Variants in INPP5A observed in about 807,000 individuals in gnomAD.
INPP5A encodes the protein 43 kDa inositol polyphosphate 5-phophatase.
Under a neutral mutation model 65.2 loss-of-function variants are expected in INPP5A, and 14 were observed. That is an observed-to-expected ratio of 0.21 (90% confidence interval 0.14 to 0.34). The LOEUF (loss-of-function observed/expected upper bound fraction) is 0.34. INPP5A is among the 10% of genes least tolerant of loss of function. INPP5A has a pLI of 1.00. For synonymous variants in INPP5A, 207 were observed against 208.3 expected (o/e 0.99, Z 0.05); for missense variants, 431 against 545.6 (o/e 0.79, Z 2.09).
chr10:132,566,863 A>T (rs2071280728), intron 1 of INPP5A, among the ~76,000 whole-genome samples: 1 of 152,242 alleles, frequency 6.6e-6, no homozygotes, highest in African/African-American at 2.4e-5. Context: ...GAATAATGTA[A>T]ATATTGAATA....
At chr10:132,625,225 G>A (rs1343599746) in intron 2 of INPP5A, among the ~76,000 whole-genome samples, 1 of 149,476 alleles carries the variant, frequency 6.7e-6, no homozygotes, top group East Asian at 2.0e-4. Context: ...CTCCCTGCCT[G>A]TCCCTGTCCT....
intron 1 of INPP5A, among the ~76,000 whole-genome samples, chr10:132,570,450 GTCCC>G (rs1464366949): frequency 6.6e-6 from 1 of 152,120 alleles, no homozygotes; most frequent in Non-Finnish European, 1.5e-5. Context: ...GGTATGTGGA[GTCCC>G]TCTGCGATCC....
At chr10:132,625,577 T>A (rs1370968283) in intron 2 of INPP5A, among the ~76,000 whole-genome samples, 2 of 152,140 alleles carry the variant, frequency 1.3e-5, no homozygotes, top group East Asian at 3.9e-4. Context: ...GGCCGGCAGC[T>A]GGCTGAGGGG....
chr10:132,756,627 T>C (rs3121846), intron 11 of INPP5A, among the ~76,000 whole-genome samples: 146,039 of 152,342 alleles, frequency 0.96, 70,057 homozygotes, highest in East Asian at 1. Flanking sequence ...GGATGCGCAG[T>C]GTGTCGTACT....
At chr10:132,740,315 T>TGTAA (rs1260658143) in intron 9 of INPP5A, among the ~76,000 whole-genome samples, 5 of 152,188 alleles carry the variant, frequency 3.3e-5, no homozygotes, top group South Asian at 4.1e-4. Flanking sequence ...AATTACCCCC[T>TGTAA]CGATTCTGAG....
chr10:132,557,891 G>A (rs989757138), intron 1 of INPP5A, among the ~76,000 whole-genome samples: 6 of 152,150 alleles, frequency 3.9e-5, no homozygotes, highest in Non-Finnish European at 7.4e-5. Context: ...ACGCCAGGCT[G>A]GACAGAGCCA....
chr10:132,592,507 C>G (rs1004577174), intron 1 of INPP5A, among the ~76,000 whole-genome samples: 1 of 152,176 alleles, frequency 6.6e-6, no homozygotes, highest in African/African-American at 2.4e-5. Flanking sequence ...CCTCCGCCTC[C>G]CGGGTTCAAG....
intron 2 of INPP5A, among the ~76,000 whole-genome samples, chr10:132,615,662 G>A (rs546876579): frequency 3.9e-5 from 6 of 152,200 alleles, no homozygotes; most frequent in African/African-American, 7.2e-5. Context: ...TGAGGGCCCC[G>A]TCTTTGGGGT....
chr10:132,694,649 C>T (rs1165812389), intron 5 of INPP5A, among the ~76,000 whole-genome samples: 2 of 152,106 alleles, frequency 1.3e-5, no homozygotes, highest in African/African-American at 2.4e-5. Flanking sequence ...CGATAAACCT[C>T]TAGCCAGACT....
At position 132,627,872 on chromosome 10, in the gene INPP5A, C is replaced by T. The variant is rs754485620; in HGVS notation, c.118-17996C>T. Among the ~76,000 whole-genome samples, 9 of 151,998 alleles carry T rather than the reference C, an allele frequency of 5.9e-5. No individual in the cohort carries two copies. Among genetic ancestry groups the T allele is most frequent in the Admixed American group, 3.9e-4 (6 of 15,244 alleles). The stretch of plus-strand genomic sequence containing the variant: ...GGAGGGGTGAGGCCGTGGAGAGAGC[C>T]GTGTGGGGGAGGTGCCCAGGCTGGA... On this transcript the variant is annotated intron_variant, in intron 2 of 15. Transcript: ENST00000368594. This position sits in a 1 kb window ranked among gnomAD's most constrained non-coding sequence, Gnocchi z 6.6.
At chr10:132,666,768 G>A (rs1209712167) in intron 4 of INPP5A, among the ~76,000 whole-genome samples, 1 of 152,214 alleles carries the variant, frequency 6.6e-6, no homozygotes, top group Non-Finnish European at 1.5e-5. Context: ...AATTGCAGCT[G>A]TCCCCTTAAA....
intron 8 of INPP5A, among the ~76,000 whole-genome samples, chr10:132,713,155 T>C (rs538636890): frequency 6.8e-6 from 1 of 146,346 alleles, no homozygotes; most frequent in South Asian, 2.1e-4. Flanking sequence ...CATGTGTATG[T>C]GTGTGTGCGG....
intron 13 of INPP5A, among the ~76,000 whole-genome samples, chr10:132,778,094 T>A (rs1228209405): frequency 6.6e-6 from 1 of 152,192 alleles, no homozygotes; most frequent in Non-Finnish European, 1.5e-5. Context: ...ATTGTATCCT[T>A]GGAAGTCAAC....
In INPP5A at chr10:132,706,557, G is replaced by A. The variant is rs77809433; in HGVS notation, c.475-1756G>A. Among the ~76,000 whole-genome samples, 2,264 of 152,354 alleles carry A rather than the reference G, an allele frequency of 0.015. 34 individuals carry two copies. The highest frequency in any genetic ancestry group is 0.039 in the South Asian group (187 of 4,830). On this transcript the variant is annotated intron_variant, in intron 6 of 15. Transcript: ENST00000368594. The surrounding 1 kb of genome is among the most constrained non-coding windows in gnomAD (Gnocchi z 4.7). ...CAGCAGTGGTGGATCCAGAGTGCAG[G>A]GGAAGAATGCAGTGTGTACGGGAAG...
rs147290525 is a variant in INPP5A at position 132,589,555 on chromosome 10, G to A, written c.76-18360G>A. Among the ~76,000 whole-genome samples the A allele has an allele frequency of 4.6e-5, 7 of 152,382 alleles. No homozygotes were observed. In the East Asian group the frequency reaches 1.4e-3, roughly 29 times the overall value. On this transcript the variant is annotated intron_variant, in intron 1 of 15. Transcript: ENST00000368594. ...AGCATTTTCTTCCTGTTGGGACGGA[G>A]TCCTGCCTTGGGAAGCCTTCTGCCT...
chr10:132,703,789 C>T, intron 6 of INPP5A, among the ~76,000 whole-genome samples: 1 of 96,284 alleles, frequency 1.0e-5, no homozygotes, highest in African/African-American at 4.4e-5. Flanking sequence ...CAGCTTCACC[C>T]CCACACACAC....
intron 12 of INPP5A, among the ~76,000 whole-genome samples, chr10:132,774,517 C>T (rs904350214): frequency 4.6e-5 from 7 of 152,362 alleles, no homozygotes; most frequent in Admixed American, 2.6e-4. Context: ...TTCAGGGCGG[C>T]TGAGCACTGT....
In INPP5A at chr10:132,777,707, G is replaced by A. The variant is rs920923714; in HGVS notation, c.1014G>A (p.Gln338=). 10 of 1,613,062 alleles carry A rather than the reference G, an allele frequency of 6.2e-6. No homozygotes were observed. The highest frequency in any genetic ancestry group is 5.3e-5 in the African/African-American group (4 of 75,068). The change falls in exon 13 of 16, where the codon CAG becomes CAA. Residue 338 remains glutamine (Q), a synonymous_variant. Coordinates refer to ENST00000368594, the MANE Select transcript of INPP5A (RefSeq NM_005539.5). ...GTGAGGACGCCCGCCAGGGTGAGCA[G>A]TACATGAACACCCGGTGCCCAGCCT... ...PYSEDARQGE[Q]YMNTRCPAWC...
chr10:132,734,687 T>C (rs893756631), intron 9 of INPP5A, among the ~76,000 whole-genome samples: 2 of 152,094 alleles, frequency 1.3e-5, no homozygotes, highest in African/African-American at 4.8e-5. Context: ...GCACCAGGAG[T>C]GCCCGGGGCA....
Sources: allele counts gnomAD v4.1 joint callset (sites outside exome capture counted in the v4.1 genomes callset), GRCh38; gene constraint gnomAD v4.1.1; non-coding constraint Gnocchi (gnomAD v3.1); transcripts MANE v1.5; gene names NCBI Gene and HGNC (gene_info 2026-07-23, HGNC 2026-07-21).